The following ZNF804B variants were observed in gnomAD, a reference collection of about 807,000 sequenced individuals.
ZNF804B encodes zinc finger 804B.
In ZNF804B, 80 loss-of-function variants were observed where a neutral mutation model predicts 101.4. The ratio of observed to expected loss-of-function variants is 0.79; its 90% CI spans 0.66 to 0.95. The LOEUF (loss-of-function observed/expected upper bound fraction) is 0.95. Ranked by LOEUF, ZNF804B falls within the 40% of genes least tolerant of loss-of-function variation. ZNF804B has a pLI of 0.00. For synonymous variants in ZNF804B, 622 were observed against 558.8 expected (o/e 1.11, Z -1.59); for missense variants, 1,673 against 1,561.9 (o/e 1.07, Z -1.20).
At chr7:89,148,244 A>C (rs1446973139) in intron 1 of ZNF804B, among the ~76,000 whole-genome samples, 1 of 152,110 alleles carries the variant, frequency 6.6e-6, no homozygotes, top group African/African-American at 2.4e-5. Context: ...GTTACTTCTT[A>C]TAAAATACTT....
In ZNF804B at chr7:89,285,136, T is replaced by C. The variant is rs1216033289; in HGVS notation, c.250-42208T>C. On this transcript the variant is annotated intron_variant, in intron 2 of 3. Transcript: ENST00000333190. Reference sequence around the variant, plus strand: ...TGGAAGGCTGAGGCAGGAGGATAGCTTGAGTCCTGGAGGTTGAGGCTGCAG... The same window carrying C: ...TGGAAGGCTGAGGCAGGAGGATAGCCTGAGTCCTGGAGGTTGAGGCTGCAG... Among the ~76,000 whole-genome samples the C allele has an allele frequency of 4.0e-5, 6 of 150,872 alleles. No individual in the cohort carries two copies. In the East Asian group the frequency reaches 7.8e-4, roughly 20 times the overall value.
At chr7:89,285,522 C>CAAAAAAAAAAAAAAAAAAA (rs778078214) in intron 2 of ZNF804B, among the ~76,000 whole-genome samples, 1 of 22,396 alleles carries the variant, frequency 4.5e-5, no homozygotes, top group African/African-American at 1.5e-4. Context: ...GACTCTGTCT[C>CAAAAAAAAAAAAAAAAAAA]AAAAAAAAAA....
At chr7:88,925,226 A>G (rs1021854873) in intron 1 of ZNF804B, among the ~76,000 whole-genome samples, 1 of 152,072 alleles carries the variant, frequency 6.6e-6, no homozygotes, top group African/African-American at 2.4e-5. Context: ...CCATTTACAC[A>G]TCTCTTACTC....
intron 1 of ZNF804B, among the ~76,000 whole-genome samples, chr7:88,767,112 T>G (rs1015967204): frequency 6.6e-6 from 1 of 152,210 alleles, no homozygotes; most frequent in Non-Finnish European, 1.5e-5. Flanking sequence ...TTTTTTTGGT[T>G]CACACATAAA....
At chr7:88,861,710 A>AT (rs1347430918) in intron 1 of ZNF804B, among the ~76,000 whole-genome samples, 5 of 152,288 alleles carry the variant, frequency 3.3e-5, no homozygotes, top group Admixed American at 1.3e-4. Context: ...TCAGTGTACA[A>AT]TTTACAGTTT....
intron 1 of ZNF804B, among the ~76,000 whole-genome samples, chr7:88,775,077 A>AAGAT (rs1432985010): frequency 2.6e-5 from 4 of 152,216 alleles, no homozygotes; most frequent in African/African-American, 9.6e-5. Context: ...GAGACTAAGG[A>AAGAT]AGATAGGCAA....
chr7:89,326,002 C>T (rs935022026), intron 2 of ZNF804B, among the ~76,000 whole-genome samples: 2 of 151,896 alleles, frequency 1.3e-5, no homozygotes, highest in Non-Finnish European at 2.9e-5. Context: ...ATTTTATAAG[C>T]CTTTCTTCCT....
intron 1 of ZNF804B, among the ~76,000 whole-genome samples, chr7:88,812,008 G>GTAA (rs2115736622): frequency 6.6e-6 from 1 of 152,242 alleles, no homozygotes; most frequent in African/African-American, 2.4e-5. Flanking sequence ...CATATACCAT[G>GTAA]TAATATCTTT....
chr7:88,809,341 AT>A (rs1363718718), intron 1 of ZNF804B, among the ~76,000 whole-genome samples: 19 of 147,680 alleles, frequency 1.3e-4, no homozygotes, highest in African/African-American at 4.2e-4. Flanking sequence ...CTATCTATCT[AT>A]CTATCTATCT....
At chr7:88,941,721 A>T (rs796952898) in intron 1 of ZNF804B, among the ~76,000 whole-genome samples, 33 of 152,096 alleles carry the variant, frequency 2.2e-4, no homozygotes, top group African/African-American at 7.9e-4. Context: ...TCCACAAAAT[A>T]TACAATACCA....
chr7:89,021,821 A>T (rs762488688), intron 1 of ZNF804B, among the ~76,000 whole-genome samples: 1 of 152,158 alleles, frequency 6.6e-6, no homozygotes, highest in Non-Finnish European at 1.5e-5. Flanking sequence ...AGTGCTCTCT[A>T]GAAGTAGGTC....
At chr7:89,180,439 C>T (rs973214605) in intron 1 of ZNF804B, among the ~76,000 whole-genome samples, 4 of 151,994 alleles carry the variant, frequency 2.6e-5, no homozygotes, top group African/African-American at 4.8e-5. Context: ...TCACGCCCAC[C>T]CCAGGCCAAT....
intron 2 of ZNF804B, among the ~76,000 whole-genome samples, chr7:89,271,745 G>C (rs538200747): frequency 1.3e-5 from 2 of 152,200 alleles, no homozygotes; most frequent in Admixed American, 1.3e-4. Context: ...CTCAATTTCA[G>C]AGCCTGTTAC....
intron 1 of ZNF804B, among the ~76,000 whole-genome samples, chr7:88,800,736 T>C (rs1000725077): frequency 3.1e-4 from 42 of 133,502 alleles, no homozygotes; most frequent in African/African-American, 1.1e-3. Flanking sequence ...GTGTGTGTGC[T>C]TAAAGCATAA....
At chr7:89,214,062 G>T (rs1423777140) in intron 1 of ZNF804B, among the ~76,000 whole-genome samples, 1 of 152,126 alleles carries the variant, frequency 6.6e-6, no homozygotes, top group African/African-American at 2.4e-5. Flanking sequence ...GTGTGAAAAA[G>T]TACATATTCT....
intron 1 of ZNF804B, among the ~76,000 whole-genome samples, chr7:88,987,540 C>A (rs561416732): frequency 6.6e-6 from 1 of 152,044 alleles, no homozygotes; most frequent in Non-Finnish European, 1.5e-5. Context: ...TTTGTAATTT[C>A]TTTAAGTATA....
intron 1 of ZNF804B, among the ~76,000 whole-genome samples, chr7:88,887,961 C>T (rs1792157565): frequency 6.6e-6 from 1 of 152,040 alleles, no homozygotes; most frequent in South Asian, 2.1e-4. Context: ...ATATGTATTA[C>T]TGAAAATTTC....
chr7:89,317,615 A>T (rs1790751998), intron 2 of ZNF804B, among the ~76,000 whole-genome samples: 1 of 152,240 alleles, frequency 6.6e-6, no homozygotes, highest in Non-Finnish European at 1.5e-5. Flanking sequence ...TTTTGCAAAG[A>T]GCAGCTGGCT....
intron 1 of ZNF804B, among the ~76,000 whole-genome samples, chr7:88,955,156 T>C (rs1166218608): frequency 6.7e-6 from 1 of 149,910 alleles, no homozygotes; most frequent in Non-Finnish European, 1.5e-5. Context: ...ATGTGGTAAA[T>C]ACTTTTTGAA....
Sources: allele counts gnomAD v4.1 joint callset (sites outside exome capture counted in the v4.1 genomes callset), GRCh38; gene constraint gnomAD v4.1.1; transcripts MANE v1.5; gene names NCBI Gene and HGNC (gene_info 2026-07-23, HGNC 2026-07-21).